UST: variants seen among roughly 807,000 people sequenced by gnomAD.
The protein encoded by UST is chondroitin sulfate 2-O-sulfotransferase.
Under a neutral mutation model 45.6 loss-of-function variants are expected in UST, and 21 were observed. That is an observed-to-expected ratio of 0.46 (90% CI 0.33 to 0.66). UST has a LOEUF of 0.66. Among genes scored for constraint, UST ranks in the 30% least tolerant of loss-of-function variants. The pLI is 0.02. For synonymous variants in UST, 215 were observed against 200.6 expected (o/e 1.07, Z -0.61); for missense variants, 463 against 512.4 (o/e 0.90, Z 0.93).
At chr6:148,765,820 C>G (rs190618293) in intron 1 of UST, among the ~76,000 whole-genome samples, 1 of 152,190 alleles carries the variant, frequency 6.6e-6, no homozygotes, top group Non-Finnish European at 1.5e-5. Context: ...CCTGTCCCTC[C>G]GTTCGGGGTC....
At chr6:148,952,311 TA>T (rs1226225765) in intron 3 of UST, among the ~76,000 whole-genome samples, 2 of 152,200 alleles carry the variant, frequency 1.3e-5, no homozygotes, top group Non-Finnish European at 2.9e-5. Flanking sequence ...GTGTCGAGGA[TA>T]AACAGTAGAT....
chr6:149,013,991 A>C (rs1273171126), intron 5 of UST, among the ~76,000 whole-genome samples: 1 of 152,244 alleles, frequency 6.6e-6, no homozygotes, highest in Admixed American at 6.5e-5. Context: ...TTCTAAAATT[A>C]AAACTGAAAT....
At chr6:148,780,086 T>TACAC (rs1312029625) in intron 1 of UST, among the ~76,000 whole-genome samples, 1 of 142,248 alleles carries the variant, frequency 7.0e-6, no homozygotes, top group Non-Finnish European at 1.6e-5. Flanking sequence ...TGTGTATATA[T>TACAC]ATACACACAC....
chr6:148,976,271 C>A (rs541232176), intron 5 of UST, among the ~76,000 whole-genome samples: 2 of 151,992 alleles, frequency 1.3e-5, no homozygotes, highest in African/African-American at 4.8e-5. Context: ...CCACCTCTGG[C>A]GGGGGTGGGG....
chr6:148,823,710 G>A (rs577425492), intron 1 of UST, among the ~76,000 whole-genome samples: 1 of 152,258 alleles, frequency 6.6e-6, no homozygotes, highest in Admixed American at 6.5e-5. Flanking sequence ...ATTAGCCCCC[G>A]TGTCTAGGGT....
At chr6:148,882,447 T>C (rs1020919297) in intron 1 of UST, among the ~76,000 whole-genome samples, 4 of 138,998 alleles carry the variant, frequency 2.9e-5, no homozygotes, top group African/African-American at 5.5e-5. Context: ...GATTGCGCCG[T>C]TGCACTCCAG....
At chr6:149,071,987 A>G (rs1462062877) in intron 7 of UST, among the ~76,000 whole-genome samples, 1 of 152,222 alleles carries the variant, frequency 6.6e-6, no homozygotes, top group African/African-American at 2.4e-5. Flanking sequence ...AATCAAAACC[A>G]CAGTGAGATA....
intron 2 of UST, among the ~76,000 whole-genome samples, chr6:148,893,664 T>A (rs1225353452): frequency 6.6e-6 from 1 of 152,350 alleles, no homozygotes; most frequent in South Asian, 2.1e-4. Flanking sequence ...ATGCACAGTC[T>A]ATGCCCTCCG....
At chr6:148,975,720 A>G (rs1244080765) in intron 5 of UST, among the ~76,000 whole-genome samples, 2 of 152,230 alleles carry the variant, frequency 1.3e-5, no homozygotes, top group Non-Finnish European at 2.9e-5. Flanking sequence ...GTTTATGAAT[A>G]AATAGTGTAG....
chr6:148,779,641 A>G (rs1214270287), intron 1 of UST, among the ~76,000 whole-genome samples: 1 of 152,242 alleles, frequency 6.6e-6, no homozygotes, highest in Non-Finnish European at 1.5e-5. Flanking sequence ...CACTTGGAAA[A>G]TTCAGACGTT....
chr6:148,810,739 T>TA (rs915235189), intron 1 of UST, among the ~76,000 whole-genome samples: 11 of 152,266 alleles, frequency 7.2e-5, no homozygotes, highest in Non-Finnish European at 8.8e-5. Context: ...CAATTTTTTT[T>TA]AAAAAGCCTA....
intron 1 of UST, among the ~76,000 whole-genome samples, chr6:148,814,779 G>C (rs2114735064): frequency 6.6e-6 from 1 of 152,260 alleles, no homozygotes; most frequent in South Asian, 2.1e-4. Flanking sequence ...GATCTGAATG[G>C]CAGTGAATTC....
intron 5 of UST, among the ~76,000 whole-genome samples, chr6:149,010,360 C>G (rs375825349): frequency 1.3e-5 from 2 of 152,150 alleles, no homozygotes; most frequent in African/African-American, 4.8e-5. Context: ...AGCATCAAAA[C>G]CCCTTGAACC....
At chr6:148,870,242 A>G (rs971263581) in intron 1 of UST, among the ~76,000 whole-genome samples, 2 of 152,026 alleles carry the variant, frequency 1.3e-5, no homozygotes, top group Non-Finnish European at 2.9e-5. Flanking sequence ...CTACCCAGCC[A>G]TGTGACCTGG....
At chr6:149,026,087 G>A (rs1361702382) in intron 7 of UST, among the ~76,000 whole-genome samples, 1 of 151,442 alleles carries the variant, frequency 6.6e-6, no homozygotes, top group African/African-American at 2.4e-5. Context: ...GGCAGAGGTT[G>A]CAGTGAGCAG....
intron 5 of UST, among the ~76,000 whole-genome samples, chr6:148,974,149 G>A (rs1231238542): frequency 6.6e-6 from 1 of 152,162 alleles, no homozygotes; most frequent in African/African-American, 2.4e-5. Context: ...AAAGCATGGG[G>A]CATGATGTCG....
intron 1 of UST, among the ~76,000 whole-genome samples, chr6:148,864,795 G>C (rs1042012305): frequency 6.6e-6 from 1 of 152,210 alleles, no homozygotes; most frequent in Non-Finnish European, 1.5e-5. Context: ...TGACAAAATA[G>C]TTTGGTCTAG....
chr6:148,923,933 G>A (rs111430932), intron 2 of UST, among the ~76,000 whole-genome samples: 1,817 of 152,250 alleles, frequency 0.012, 28 homozygotes, highest in African/African-American at 0.041. Flanking sequence ...CGGTTTCCTC[G>A]TCAGTAAATA....
chr6:148,936,223 T>C (rs1780023456), intron 2 of UST, among the ~76,000 whole-genome samples: 1 of 152,082 alleles, frequency 6.6e-6, no homozygotes, highest in African/African-American at 2.4e-5. Context: ...TAAAGGAAAA[T>C]TTCATCCAAA....
Sources: allele counts gnomAD v4.1 joint callset (sites outside exome capture counted in the v4.1 genomes callset), GRCh38; gene constraint gnomAD v4.1.1; transcripts MANE v1.5; gene names NCBI Gene and HGNC (gene_info 2026-07-23, HGNC 2026-07-21).